Variants in IL1RAPL2 observed in about 807,000 individuals in gnomAD.
IL1RAPL2 encodes interleukin 1 receptor accessory protein like 2.
In IL1RAPL2, 3 loss-of-function variants were observed where a neutral mutation model predicts 44.1. The observed-to-expected ratio is 0.07, with a 90% confidence interval of 0.03 to 0.18. The LOEUF (loss-of-function observed/expected upper bound fraction) is 0.18. Among genes scored for constraint, IL1RAPL2 ranks in the 10% least tolerant of loss-of-function variants. IL1RAPL2 has a pLI of 1.00. For missense variants in IL1RAPL2, 391 were observed against 496.4 expected (o/e 0.79, Z 2.02); for synonymous variants, 181 against 178.8 (o/e 1.01, Z -0.10).
chrX:104,717,099 A>AT (rs1382123858), intron 2 of IL1RAPL2, among the ~76,000 whole-genome samples: 1 of 111,959 alleles, frequency 8.9e-6, no homozygotes, highest in African/African-American at 3.2e-5. Context: ...ATAAAAAACA[A>AT]GATCATTTCC....
At chrX:104,717,445 T>TAAAAAAAA (rs767384557) in intron 2 of IL1RAPL2, among the ~76,000 whole-genome samples, 1 of 83,550 alleles carries the variant, frequency 1.2e-5, no homozygotes, top group Non-Finnish European at 2.4e-5. Flanking sequence ...ACTTAAAAGT[T>TAAAAAAAA]AAAAAAAAAA....
At chrX:105,451,537 G>A (rs2036019632) in intron 5 of IL1RAPL2, among the ~76,000 whole-genome samples, 1 of 111,810 alleles carries the variant, frequency 8.9e-6, no homozygotes, top group Non-Finnish European at 1.9e-5. Flanking sequence ...ATGAGAAAAA[G>A]GAAAGATAGA....
intron 6 of IL1RAPL2, among the ~76,000 whole-genome samples, chrX:105,681,965 CA>C (rs922273800): frequency 8.2e-5 from 9 of 109,739 alleles, no homozygotes; most frequent in South Asian, 3.8e-4. Flanking sequence ...GTAAAACAAA[CA>C]AAAAAAATAT....
At chrX:104,795,403 A>G (rs927898836) in intron 2 of IL1RAPL2, among the ~76,000 whole-genome samples, 1 of 100,137 alleles carries the variant, frequency 1.0e-5, no homozygotes, top group African/African-American at 3.5e-5. Context: ...CAAGACTTCT[A>G]TCCCTCTCTC....
At chrX:104,980,909 A>G (rs192834023) in intron 2 of IL1RAPL2, among the ~76,000 whole-genome samples, 1 of 111,398 alleles carries the variant, frequency 9.0e-6, no homozygotes, top group East Asian at 2.8e-4. Flanking sequence ...GGGCAATGTG[A>G]CCATTTTAAC....
At position 105,438,441 on chromosome X, in the gene IL1RAPL2, A is replaced by G. The variant is rs138616012; in HGVS notation, c.698-45872A>G. 1.8e-3 allele frequency among the ~76,000 whole-genome samples: 196 copies of G among 111,357 alleles called. 1 individual carries two copies. The East Asian group carries it at 0.045, about 26-fold the overall frequency. Reference sequence around the variant, plus strand: ...AGGAGGTAAAAGACCAAACTTGATAACCCAAAGTATTATAAAACTCTGTTT... The same window carrying G: ...AGGAGGTAAAAGACCAAACTTGATAGCCCAAAGTATTATAAAACTCTGTTT... On this transcript the variant is annotated intron_variant, in intron 5 of 10. Coordinates refer to ENST00000372582, the MANE Select transcript of IL1RAPL2 (RefSeq NM_017416.2).
intron 2 of IL1RAPL2, among the ~76,000 whole-genome samples, chrX:104,832,406 C>G (rs1224929484): frequency 9.0e-6 from 1 of 111,108 alleles, no homozygotes; most frequent in Non-Finnish European, 1.9e-5. Context: ...TTCATTCTAT[C>G]TGCTTTCACA....
chrX:105,401,041 A>G (rs943410583), intron 5 of IL1RAPL2, among the ~76,000 whole-genome samples: 1 of 111,713 alleles, frequency 9.0e-6, no homozygotes. Flanking sequence ...ATTAATATTC[A>G]CATGGCAGAA....
chrX:105,765,382 C>CTAT (rs1361523985), intron 10 of IL1RAPL2: 1 of 112,155 alleles, frequency 8.9e-6, no homozygotes, highest in African/African-American at 3.2e-5. Flanking sequence ...TTCTCAATTA[C>CTAT]TATTTCTGTG....
intron 2 of IL1RAPL2, among the ~76,000 whole-genome samples, chrX:105,171,798 G>T (rs936663195): frequency 9.0e-6 from 1 of 111,118 alleles, no homozygotes; most frequent in Admixed American, 9.6e-5. Flanking sequence ...TACCTGGCCC[G>T]CTTACCTGCT....
intron 2 of IL1RAPL2, 88 bp downstream of exon 2, chrX:104,659,083 G>A: frequency 3.5e-6 from 2 of 579,645 alleles, no homozygotes; most frequent in Non-Finnish European, 5.8e-6. Flanking sequence ...AACTATGAAT[G>A]TCTTTAAATA....
intron 2 of IL1RAPL2, among the ~76,000 whole-genome samples, chrX:104,899,222 A>G (rs1685169798): frequency 8.9e-6 from 1 of 111,962 alleles, no homozygotes; most frequent in African/African-American, 3.2e-5. Flanking sequence ...GAGAACTTGA[A>G]TTACTTGCTT....
At chrX:105,647,203 G>A (rs1569461525) in intron 6 of IL1RAPL2, among the ~76,000 whole-genome samples, 1 of 112,081 alleles carries the variant, frequency 8.9e-6, no homozygotes, top group African/African-American at 3.2e-5. Flanking sequence ...TGCCAGATCC[G>A]GAGGGGTGGA....
At position 104,946,379 on chromosome X, in the gene IL1RAPL2, C is replaced by CA. The variant is rs1157603029; in HGVS notation, c.83-249066dup. On this transcript the variant is annotated intron_variant, in intron 2 of 10. Transcript: ENST00000372582. ...TGGGCGACAGAGCAAGACTCCGTCT[C>CA]AAAAAAAAAAAAAAAAAAAAAAAAA... Among the ~76,000 whole-genome samples, 86 of 9,134 alleles carry CA rather than the reference C, an allele frequency of 9.4e-3. 12 individuals carry two copies. The highest frequency in any genetic ancestry group is 0.045 in the African/African-American group (79 of 1,739). 7.9% of individuals were successfully genotyped at this position (9,134 alleles called of 115,157 possible).
At chrX:105,105,298 C>T (rs2032724687) in intron 2 of IL1RAPL2, among the ~76,000 whole-genome samples, 1 of 111,621 alleles carries the variant, frequency 9.0e-6, no homozygotes, top group Non-Finnish European at 1.9e-5. Context: ...TTATTGAATC[C>T]TCACAACAGC....
intron 2 of IL1RAPL2, among the ~76,000 whole-genome samples, chrX:105,021,195 C>T (rs2031276721): frequency 9.0e-6 from 1 of 111,440 alleles, no homozygotes; most frequent in East Asian, 2.8e-4. Context: ...GTCAGGGTCT[C>T]CAACACAAAT....
At chrX:105,165,756 A>G (rs1342152096) in intron 2 of IL1RAPL2, among the ~76,000 whole-genome samples, 1 of 111,652 alleles carries the variant, frequency 9.0e-6, no homozygotes, top group Non-Finnish European at 1.9e-5. Flanking sequence ...TCAGGCCTTC[A>G]TGACCTCATA....
chrX:105,305,665 T>G (rs1171724899), intron 5 of IL1RAPL2, among the ~76,000 whole-genome samples: 1 of 111,922 alleles, frequency 8.9e-6, no homozygotes, highest in Non-Finnish European at 1.9e-5. Context: ...GGCACCAAAT[T>G]TATGAGAAAA....
intron 2 of IL1RAPL2, among the ~76,000 whole-genome samples, chrX:104,992,591 G>A (rs749475672): frequency 1.5e-4 from 17 of 110,973 alleles, no homozygotes; most frequent in Non-Finnish European, 2.6e-4. Context: ...GGAAGACATC[G>A]GCCTCCCACC....
Sources: gnomAD v4.1 joint callset for allele counts (sites outside exome capture counted in the v4.1 genomes callset) on GRCh38, gnomAD v4.1.1 for gene constraint, MANE v1.5 for transcripts, NCBI Gene and HGNC (gene_info 2026-07-23, HGNC 2026-07-21) for gene names.